Variants in DYNC1I1 observed in about 807,000 individuals in gnomAD.
DYNC1I1 encodes dynein cytoplasmic 1 intermediate chain 1.
A neutral mutation model predicts 86.6 loss-of-function variants in DYNC1I1; 43 were observed. That is an observed-to-expected ratio of 0.50 (90% CI 0.39 to 0.64). The LOEUF is 0.64. Ranked by LOEUF, DYNC1I1 falls within the 30% of genes least tolerant of loss-of-function variation. DYNC1I1 has a pLI of 0.00. For synonymous variants in DYNC1I1, 262 were observed against 283.7 expected (o/e 0.92, Z 0.77); for missense variants, 604 against 788.8 (o/e 0.77, Z 2.81).
At chr7:95,945,367 A>G (rs960940587) in intron 6 of DYNC1I1, among the ~76,000 whole-genome samples, 10 of 152,160 alleles carry the variant, frequency 6.6e-5, no homozygotes, top group African/African-American at 2.2e-4. Context: ...TTTCCACTAA[A>G]TTTATAGCAT....
intron 6 of DYNC1I1, among the ~76,000 whole-genome samples, chr7:95,935,641 C>T (rs1319470027): frequency 6.6e-6 from 1 of 151,928 alleles, no homozygotes; most frequent in Non-Finnish European, 1.5e-5. Context: ...GCAAAGGAAA[C>T]AATCAACAGC....
At chr7:95,956,940 C>A (rs758134628) in intron 6 of DYNC1I1, among the ~76,000 whole-genome samples, 2 of 152,174 alleles carry the variant, frequency 1.3e-5, no homozygotes, top group African/African-American at 2.4e-5. Flanking sequence ...TCATTTAACA[C>A]GATACCAAAT....
exon 17 of DYNC1I1, chr7:96,109,979 G>T: frequency 2.9e-6 from 1 of 339,796 alleles, no homozygotes; most frequent in Admixed American, 3.9e-5. Context: ...GTGGACACAG[G>T]GTCTTGCTAT....
At chr7:95,861,350 G>A (rs968043767) in intron 5 of DYNC1I1, among the ~76,000 whole-genome samples, 3 of 152,100 alleles carry the variant, frequency 2.0e-5, no homozygotes, top group Admixed American at 6.6e-5. Flanking sequence ...CTGTCTCTTG[G>A]TACACGTTCT....
chr7:95,787,945 G>A (rs1377198736), intron 1 of DYNC1I1, among the ~76,000 whole-genome samples: 2 of 152,146 alleles, frequency 1.3e-5, no homozygotes, highest in Admixed American at 1.3e-4. Flanking sequence ...CAGGCAGAGG[G>A]AATAGGAGGT....
At chr7:95,843,163 G>A (rs1452880241) in intron 5 of DYNC1I1, among the ~76,000 whole-genome samples, 2 of 152,166 alleles carry the variant, frequency 1.3e-5, no homozygotes, top group Non-Finnish European at 2.9e-5. Flanking sequence ...TAAATGCCCA[G>A]AACTGTTATC....
chr7:95,879,682 T>A (rs1790401874), intron 6 of DYNC1I1, among the ~76,000 whole-genome samples: 2 of 152,168 alleles, frequency 1.3e-5, no homozygotes, highest in African/African-American at 4.8e-5. Flanking sequence ...ATCTGGGCTA[T>A]CTAGTTGAAG....
At chr7:95,893,030 T>C (rs1179248800) in intron 6 of DYNC1I1, among the ~76,000 whole-genome samples, 1 of 152,244 alleles carries the variant, frequency 6.6e-6, no homozygotes, top group South Asian at 2.1e-4. Context: ...ATTTGTTTTC[T>C]TTTTTCTTCA....
At chr7:95,884,846 A>G (rs1305516814) in intron 6 of DYNC1I1, among the ~76,000 whole-genome samples, 6 of 152,188 alleles carry the variant, frequency 3.9e-5, no homozygotes, top group Admixed American at 3.3e-4. Flanking sequence ...CTACATACAC[A>G]GCAGTATTCT....
chr7:95,832,198 T>G (rs1380062293), intron 5 of DYNC1I1, among the ~76,000 whole-genome samples: 2 of 115,246 alleles, frequency 1.7e-5, no homozygotes, highest in African/African-American at 7.5e-5. Flanking sequence ...AATTCCCACC[T>G]ATGAGTGAGA....
chr7:95,909,282 G>C (rs976132749), intron 6 of DYNC1I1, among the ~76,000 whole-genome samples: 1 of 149,344 alleles, frequency 6.7e-6, no homozygotes, highest in Non-Finnish European at 1.5e-5. Flanking sequence ...AATACAACTT[G>C]GATATTTTTC....
intron 14 of DYNC1I1, among the ~76,000 whole-genome samples, chr7:96,070,565 C>T (rs1562993574): frequency 6.6e-6 from 1 of 152,046 alleles, no homozygotes; most frequent in Admixed American, 6.6e-5. Flanking sequence ...CCTTTTATTT[C>T]AGAATTTATA....
intron 14 of DYNC1I1, among the ~76,000 whole-genome samples, chr7:96,067,388 A>G (rs1242335591): frequency 6.6e-6 from 1 of 151,674 alleles, no homozygotes; most frequent in Non-Finnish European, 1.5e-5. Flanking sequence ...GGCAAACATT[A>G]AAATTGGCTT....
chr7:95,967,258 A>G (rs560430889), intron 6 of DYNC1I1, among the ~76,000 whole-genome samples: 15 of 152,282 alleles, frequency 9.9e-5, no homozygotes, highest in African/African-American at 3.4e-4. Flanking sequence ...GGATGAACAA[A>G]AGGTTGTAGG....
At chr7:95,892,405 G>T (rs976647044) in intron 6 of DYNC1I1, among the ~76,000 whole-genome samples, 5 of 151,952 alleles carry the variant, frequency 3.3e-5, no homozygotes, top group African/African-American at 7.3e-5. Context: ...CCACCTCCCG[G>T]GTTCACGCCA....
chr7:96,030,731 T>C (rs998607275), intron 11 of DYNC1I1, among the ~76,000 whole-genome samples: 3 of 152,128 alleles, frequency 2.0e-5, no homozygotes, highest in Non-Finnish European at 2.9e-5. Flanking sequence ...GTCTATACCA[T>C]TTTCAGGTGA....
At chr7:95,821,980 T>C (rs1371732702) in intron 4 of DYNC1I1, among the ~76,000 whole-genome samples, 2 of 152,178 alleles carry the variant, frequency 1.3e-5, no homozygotes, top group Non-Finnish European at 2.9e-5. Flanking sequence ...AAACACTCTT[T>C]AGGAAATAAT....
At chr7:95,930,647 A>G (rs755359676) in intron 6 of DYNC1I1, among the ~76,000 whole-genome samples, 2 of 152,178 alleles carry the variant, frequency 1.3e-5, no homozygotes, top group Non-Finnish European at 2.9e-5. Context: ...CAAGATTGTT[A>G]TTGGCTATCT....
In DYNC1I1 at chr7:95,874,110, A is replaced by G. The variant is rs978491707; in HGVS notation, c.490+4112A>G. Among the ~76,000 whole-genome samples the G allele has an allele frequency of 3.3e-4, 50 of 152,246 alleles. 1 individual carries two copies. The highest frequency in any genetic ancestry group is 1.2e-3 in the African/African-American group (49 of 41,552). On this transcript the variant is annotated intron_variant, in intron 6 of 16. Transcript: ENST00000447467. ...CTAGTGTCTTTAAATTCTTCATGCC[A>G]CTCACACTATTCAATAGCAGTGAAA...
Sources: allele counts gnomAD v4.1 joint callset (sites outside exome capture counted in the v4.1 genomes callset), GRCh38; gene constraint gnomAD v4.1.1; transcripts MANE v1.5; gene names NCBI Gene and HGNC (gene_info 2026-07-23, HGNC 2026-07-21).